Variants in DAB1 observed in about 807,000 individuals in gnomAD.
The protein encoded by DAB1 is DAB adaptor protein 1.
Under a neutral mutation model 64.6 loss-of-function variants are expected in DAB1, and 15 were observed. The ratio of observed to expected loss-of-function variants is 0.23; its 90% CI spans 0.16 to 0.36. The LOEUF (loss-of-function observed/expected upper bound fraction) is 0.36. Ranked by LOEUF, DAB1 falls within the 10% of genes least tolerant of loss-of-function variation. The probability of loss-of-function intolerance (pLI) is 1.00; values close to 1 mark genes in which losing one functional copy is unlikely to be tolerated. For synonymous variants in DAB1, 235 were observed against 251.9 expected, an observed-to-expected ratio of 0.93 and a Z score of 0.64; for missense variants, 596 against 706.7, an observed-to-expected ratio of 0.84 and a Z score of 1.78.
At chr1:57,389,072 T>G (rs920589843) in intron 1 of DAB1, among the ~76,000 whole-genome samples, 1 of 152,170 alleles carries the variant, frequency 6.6e-6, no homozygotes, top group African/African-American at 2.4e-5. Flanking sequence ...CCCCCTTATT[T>G]TAAACAGGAG....
intron 7 of DAB1, chr1:57,605,918 T>C (rs1244611243): frequency 2.9e-6 from 2 of 686,022 alleles, no homozygotes; most frequent in African/African-American, 1.8e-5. Context: ...TGCTTAACAA[T>C]CTCAGAAGGA....
At chr1:57,875,044 T>C (rs925667407) in intron 1 of DAB1, 1 of 152,162 alleles carries the variant, frequency 6.6e-6, no homozygotes, top group African/African-American at 2.4e-5. Context: ...TTCAGGAAAG[T>C]GTCCAGAGAG....
intron 5 of DAB1, among the ~76,000 whole-genome samples, chr1:57,898,114 T>G (rs1569945496): frequency 6.6e-6 from 1 of 152,206 alleles, no homozygotes; most frequent in Admixed American, 6.5e-5. Context: ...GCCCCTCTAC[T>G]TAGGGTGACA....
At chr1:57,509,291 T>A (rs1476254147) in intron 7 of DAB1, among the ~76,000 whole-genome samples, 3 of 152,140 alleles carry the variant, frequency 2.0e-5, no homozygotes, top group Non-Finnish European at 4.4e-5. Context: ...AAAACAGCAC[T>A]GCCACCCCCT....
At chr1:58,543,884 G>GCC (rs1402132088) in intron 1 of DAB1, among the ~76,000 whole-genome samples, 1 of 152,160 alleles carries the variant, frequency 6.6e-6, no homozygotes, top group African/African-American at 2.4e-5. Context: ...CAATAAGGTA[G>GCC]CCCCTACATG....
intron 3 of DAB1, among the ~76,000 whole-genome samples, chr1:58,443,839 T>A (rs1645038051): frequency 6.6e-6 from 1 of 152,234 alleles, no homozygotes; most frequent in African/African-American, 2.4e-5. Flanking sequence ...GTAATTACAG[T>A]TCCCATTTTT....
chr1:57,398,490 T>A (rs1682989281), intron 1 of DAB1, among the ~76,000 whole-genome samples: 1 of 152,214 alleles, frequency 6.6e-6, no homozygotes, highest in Non-Finnish European at 1.5e-5. Context: ...TTGTTTTTTA[T>A]TTGTTTGTTT....
chr1:58,158,854 G>A (rs944312253), intron 4 of DAB1, among the ~76,000 whole-genome samples: 1 of 149,214 alleles, frequency 6.7e-6, no homozygotes, highest in Non-Finnish European at 1.5e-5. Context: ...AAGGAGAGTC[G>A]AATCTACACA....
chr1:57,420,514 A>G (rs186096405), intron 1 of DAB1, among the ~76,000 whole-genome samples: 86 of 152,362 alleles, frequency 5.6e-4, no homozygotes, highest in African/African-American at 1.9e-3. Flanking sequence ...GTACTCCATA[A>G]AGGTTAATTA....
At chr1:58,239,991 A>T (rs1660217309) in intron 4 of DAB1, among the ~76,000 whole-genome samples, 1 of 152,192 alleles carries the variant, frequency 6.6e-6, no homozygotes. Context: ...GTCTTTGCTG[A>T]GTAACTATTT....
At chr1:57,041,244 G>A (rs1178815050) in intron 9 of DAB1, among the ~76,000 whole-genome samples, 1 of 152,128 alleles carries the variant, frequency 6.6e-6, no homozygotes, top group Non-Finnish European at 1.5e-5. Context: ...CTTCATTCTT[G>A]GATTTGATTA....
intron 7 of DAB1, among the ~76,000 whole-genome samples, chr1:57,648,840 A>G (rs890610882): frequency 6.6e-6 from 1 of 152,210 alleles, no homozygotes; most frequent in African/African-American, 2.4e-5. Flanking sequence ...ATGGCAGAAG[A>G]GCAATGCTCT....
At chr1:57,837,257 G>A (rs866451775) in intron 1 of DAB1, among the ~76,000 whole-genome samples, 3 of 152,080 alleles carry the variant, frequency 2.0e-5, no homozygotes, top group Non-Finnish European at 4.4e-5. Context: ...ACCATTCAGC[G>A]GGTGCTAAGT....
At chr1:58,219,489 AC>A (rs1388931318) in intron 4 of DAB1, among the ~76,000 whole-genome samples, 1 of 151,398 alleles carries the variant, frequency 6.6e-6, no homozygotes, top group Non-Finnish European at 1.5e-5. Flanking sequence ...ACTCCCACCA[AC>A]CTCTGGGCCC....
rs375616269 is a variant in DAB1 at position 57,133,710 on chromosome 1, G to T, written c.306+2833C>A. ...TGACAGCTTTTGGATTTTAGCTATT[G>T]TCACGTTCTGCAAATGTTTCTTTTC... On this transcript the variant is annotated intron_variant, in intron 4 of 14. Transcript: ENST00000371236. Among the ~76,000 whole-genome samples, 57 of 152,230 alleles carry T rather than the reference G, an allele frequency of 3.7e-4. No individual in the cohort carries two copies. In the South Asian group the frequency reaches 0.011, roughly 30 times the overall value.
intron 3 of DAB1, among the ~76,000 whole-genome samples, chr1:58,449,597 G>A (rs1645110060): frequency 6.6e-6 from 1 of 152,128 alleles, no homozygotes; most frequent in African/African-American, 2.4e-5. Flanking sequence ...GAAATCTCAG[G>A]GAGGCCTAGG....
intron 3 of DAB1, among the ~76,000 whole-genome samples, chr1:58,348,617 T>C (rs1372365039): frequency 6.6e-6 from 1 of 152,220 alleles, no homozygotes. Flanking sequence ...TTTATCCTCC[T>C]GTGGCCCTGA....
intron 2 of DAB1, among the ~76,000 whole-genome samples, chr1:57,210,067 T>C (rs1665882830): frequency 6.6e-6 from 1 of 152,174 alleles, no homozygotes; most frequent in African/African-American, 2.4e-5. Flanking sequence ...GAGATAATAA[T>C]GCCTAACTTC....
At chr1:57,756,414 A>G (rs1383436459) in intron 6 of DAB1, among the ~76,000 whole-genome samples, 1 of 152,180 alleles carries the variant, frequency 6.6e-6, no homozygotes, top group Non-Finnish European at 1.5e-5. Flanking sequence ...GGGAAAGTAA[A>G]GCAAGGTTAG....
Sources: allele counts gnomAD v4.1 joint callset (sites outside exome capture counted in the v4.1 genomes callset), GRCh38; gene constraint gnomAD v4.1.1; transcripts MANE v1.5; gene names NCBI Gene and HGNC (gene_info 2026-07-23, HGNC 2026-07-21).